The following GATA4 variants were observed in gnomAD, a reference collection of about 807,000 sequenced individuals.
GATA4 encodes the protein GATA binding protein 4, also known as transcription factor GATA-4.
In GATA4, 7 loss-of-function variants were observed where a neutral mutation model predicts 37.9. The ratio of observed to expected loss-of-function variants is 0.18; its 90% CI spans 0.11 to 0.35. The LOEUF is 0.35. GATA4 is among the 10% of genes least tolerant of loss of function. GATA4 has a pLI of 1.00. For synonymous variants in GATA4, 372 were observed against 292.6 expected, an observed-to-expected ratio of 1.27 and a Z score of -2.77; for missense variants, 647 against 653.0, an observed-to-expected ratio of 0.99 and a Z score of 0.10.
intron 4 of GATA4, among the ~76,000 whole-genome samples, chr8:11,752,702 A>G (rs962348383): frequency 3.3e-5 from 5 of 152,294 alleles, no homozygotes; most frequent in African/African-American, 1.2e-4. Context: ...TGTTAAATCC[A>G]TTTGCCTCAC....
chr8:11,681,229 G>A, intron 1 of GATA4: 4 of 985,348 alleles, frequency 4.1e-6, no homozygotes, highest in Non-Finnish European at 4.8e-6. Flanking sequence ...ATTTCTCGAC[G>A]TTTGGGGACT....
chr8:11,697,592 GCCTGCGCCGAGGA>G (rs1799543282), intron 1 of GATA4: 1 of 985,294 alleles, frequency 1.0e-6, no homozygotes, highest in Non-Finnish European at 1.2e-6. Flanking sequence ...AGGGGTCCTC[GCCTGCGCCGAGGA>G]TGGCCGGACG....
chr8:11,713,804 GT>G (rs1345209645), intron 2 of GATA4, among the ~76,000 whole-genome samples: 1 of 152,238 alleles, frequency 6.6e-6, no homozygotes, highest in Non-Finnish European at 1.5e-5. Flanking sequence ...GGAAGCACTT[GT>G]GGTGGAGCTC....
intron 2 of GATA4, among the ~76,000 whole-genome samples, chr8:11,735,706 G>T (rs1460792496): frequency 6.6e-6 from 1 of 152,184 alleles, no homozygotes; most frequent in Non-Finnish European, 1.5e-5. Flanking sequence ...GGGATTACAG[G>T]CATGTGCCAC....
intron 2 of GATA4, among the ~76,000 whole-genome samples, chr8:11,724,239 C>T (rs888747789): frequency 3.9e-5 from 6 of 152,138 alleles, no homozygotes; most frequent in African/African-American, 1.4e-4. Context: ...GTTGCGTCTG[C>T]CCATTGACCA....
rs545231310 is a variant in GATA4 at position 11,683,089 on chromosome 8, TC to T, written c.-274+6027del. On this transcript the variant is annotated intron_variant, in intron 1 of 6. Transcript: ENST00000528712. ...TACCCCCTAGGTTTTCCCAGCCTTCTCGCCGGATTGCCTTGGAAAGCTCTTG... is the reference window on the plus strand; with the variant it reads ...TACCCCCTAGGTTTTCCCAGCCTTCTGCCGGATTGCCTTGGAAAGCTCTTG... 5.6e-4 allele frequency: 548 copies of T among 985,440 alleles called. 4 individuals are homozygous for T. The African/African-American group carries it at 9.0e-3, about 16-fold the overall frequency. 61.0% of individuals were successfully genotyped at this position (985,440 alleles called of 1,614,324 possible).
Position 11,709,653 on chromosome 8 carries a change from T to G in GATA4, c.616+725T>G, listed in dbSNP as rs1294594277. On this transcript the variant is annotated intron_variant, in intron 2 of 6. Transcript: ENST00000532059. The surrounding 1 kb of genome is among the most constrained non-coding windows in gnomAD (Gnocchi z 4.3). ...ACGCGCTTGTTCATGACACCCGAGTTAAATGGAGACTTTGCAGTCGCTTGC... is the reference window on the plus strand; with the variant it reads ...ACGCGCTTGTTCATGACACCCGAGTGAAATGGAGACTTTGCAGTCGCTTGC... Among the ~76,000 whole-genome samples the G allele has an allele frequency of 1.3e-5, 2 of 151,704 alleles. No homozygotes were observed. Among genetic ancestry groups the G allele is most frequent in the Admixed American group, 1.3e-4 (2 of 15,242 alleles).
At chr8:11,680,616 G>T (rs888229591) in intron 1 of GATA4, 20 of 985,238 alleles carry the variant, frequency 2.0e-5, no homozygotes, top group Non-Finnish European at 2.4e-5. Context: ...GGTCGGTGGC[G>T]TGACCTCTTG....
intron 2 of GATA4, among the ~76,000 whole-genome samples, chr8:11,736,126 G>A (rs1406907394): frequency 6.6e-6 from 1 of 151,848 alleles, no homozygotes; most frequent in Non-Finnish European, 1.5e-5. Flanking sequence ...GCCCAGGCTG[G>A]TATTGAACTC....
At chr8:11,741,840 C>G (rs1403369388) in intron 2 of GATA4, among the ~76,000 whole-genome samples, 1 of 152,244 alleles carries the variant, frequency 6.6e-6, no homozygotes, top group African/African-American at 2.4e-5. Flanking sequence ...GCAGCCCTTG[C>G]TGCTCTCAGG....
chr8:11,757,998 T>A (rs1585705964), intron 6 of GATA4, among the ~76,000 whole-genome samples: 1 of 152,286 alleles, frequency 6.6e-6, no homozygotes, highest in South Asian at 2.1e-4. Context: ...GATAGGATGG[T>A]AGAAAGTGTC....
chr8:11,681,835 C>A (rs1336137717), intron 1 of GATA4, among the ~76,000 whole-genome samples: 1 of 152,094 alleles, frequency 6.6e-6, no homozygotes, highest in East Asian at 1.9e-4. Context: ...GTGGGCAGAC[C>A]CGGCTGATGT....
At chr8:11,697,630 C>G in intron 1 of GATA4, 1 of 985,348 alleles carries the variant, frequency 1.0e-6, no homozygotes, top group East Asian at 1.1e-4. Context: ...GGCCTCCGGC[C>G]CCAGCACAGC....
intron 1 of GATA4, chr8:11,697,896 C>T: frequency 1.0e-6 from 1 of 985,472 alleles, no homozygotes; most frequent in Non-Finnish European, 1.2e-6. Flanking sequence ...CAGGGAATGC[C>T]AGATCTCTGG....
At chr8:11,697,635 C>T (rs1204136855) in intron 1 of GATA4, 2 of 985,338 alleles carry the variant, frequency 2.0e-6, no homozygotes, top group African/African-American at 1.7e-5. Context: ...CCGGCCCCAG[C>T]ACAGCCCCCC....
chr8:11,731,838 C>G (rs1274238180), intron 2 of GATA4, among the ~76,000 whole-genome samples: 1 of 152,198 alleles, frequency 6.6e-6, no homozygotes, highest in Admixed American at 6.5e-5. Flanking sequence ...ACACTTCATT[C>G]TATTTGCTTC....
chr8:11,758,946 G>T lies in GATA4; in HGVS notation c.*471G>T. 3.8e-6 allele frequency: 1 copy of T among 263,160 alleles called. No individual in the cohort carries two copies. The highest frequency in any genetic ancestry group is 4.6e-5 in the South Asian group (1 of 21,750). The allele number at this position is 263,160 out of a possible 1,614,324, so 16.3% of individuals were successfully genotyped here. On this transcript the variant is annotated 3_prime_UTR_variant, in exon 7 of 7. Coordinates refer to ENST00000532059, the MANE Select transcript of GATA4 (RefSeq NM_001308093.3). ...GCCCTTGCCCCATCCATCCGCTTGA[G>T]GCATGGCACCGCCCTGCATCCCTAA...
intron 2 of GATA4, among the ~76,000 whole-genome samples, chr8:11,744,541 G>A (rs190558305): frequency 1.5e-4 from 23 of 152,302 alleles, no homozygotes; most frequent in Admixed American, 3.3e-4. Flanking sequence ...AATGAGAAGT[G>A]GTGCTTACCG....
intron 2 of GATA4, among the ~76,000 whole-genome samples, chr8:11,727,782 G>A (rs368339310): frequency 1.4e-4 from 22 of 151,846 alleles, no homozygotes; most frequent in Middle Eastern, 3.4e-3. Context: ...TGGAGACTGC[G>A]GTGAGCCGTG....
Sources: allele counts gnomAD v4.1 joint callset (sites outside exome capture counted in the v4.1 genomes callset), GRCh38; gene constraint gnomAD v4.1.1; non-coding constraint Gnocchi (gnomAD v3.1); transcripts MANE v1.5; gene names NCBI Gene and HGNC (gene_info 2026-07-23, HGNC 2026-07-21).